WDR70: variants seen among roughly 807,000 people sequenced by gnomAD.
WDR70 encodes WD repeat-containing protein 70.
Under a neutral mutation model 88.6 loss-of-function variants are expected in WDR70, and 53 were observed. The observed-to-expected ratio is 0.60, with a 90% CI of 0.48 to 0.75. The LOEUF (loss-of-function observed/expected upper bound fraction) is 0.75, where lower values mean the gene tolerates loss of function less well. WDR70 is among the 30% of genes least tolerant of loss of function. The probability of loss-of-function intolerance (pLI) is 0.00; values close to 1 mark genes in which losing one functional copy is unlikely to be tolerated. For synonymous variants in WDR70, 280 were observed against 270.0 expected, an observed-to-expected ratio of 1.04 and a Z score of -0.36; for missense variants, 610 against 823.2, an observed-to-expected ratio of 0.74 and a Z score of 3.17.
At chr5:37,481,930 T>C (rs1739681947) in intron 8 of WDR70, among the ~76,000 whole-genome samples, 1 of 152,152 alleles carries the variant, frequency 6.6e-6, no homozygotes, top group Admixed American at 6.5e-5. Flanking sequence ...AAAAAATTCT[T>C]ATTTCACTCT....
chr5:37,638,011 C>T (rs72740974), intron 10 of WDR70, among the ~76,000 whole-genome samples: 7,185 of 152,202 alleles, frequency 0.047, 202 homozygotes, highest in Middle Eastern at 0.12. Context: ...GTCCTCCAGC[C>T]TGGTTCTGAG....
intron 10 of WDR70, 64 bp from the exon 11 acceptor site, chr5:37,697,591 C>T: frequency 3.8e-6 from 5 of 1,321,028 alleles, no homozygotes; most frequent in Non-Finnish European, 5.4e-6. Context: ...AATGTTCTTG[C>T]CACAAAACTG....
At chr5:37,516,672 G>C in intron 9 of WDR70, 82 bp downstream of exon 9, 1 of 726,274 alleles carries the variant, frequency 1.4e-6, no homozygotes. Flanking sequence ...AATCTTGGCA[G>C]TAATGTAGTA....
chr5:37,427,062 G>T (rs1300280110), intron 5 of WDR70, among the ~76,000 whole-genome samples: 1 of 152,120 alleles, frequency 6.6e-6, no homozygotes, highest in Admixed American at 6.5e-5. Context: ...AGGCTACCAC[G>T]CTCAGCTTTA....
intron 17 of WDR70, among the ~76,000 whole-genome samples, chr5:37,747,584 CTGAT>C (rs1748669252): frequency 1.3e-5 from 2 of 152,140 alleles, no homozygotes; most frequent in Non-Finnish European, 2.9e-5. Context: ...CCTTTGAAAA[CTGAT>C]ACAAGACAAG....
chr5:37,546,379 G>C (rs1486699564), intron 9 of WDR70, among the ~76,000 whole-genome samples: 1 of 152,124 alleles, frequency 6.6e-6, no homozygotes, highest in African/African-American at 2.4e-5. Flanking sequence ...AATGTTGGAG[G>C]AAAGTTTGAT....
intron 3 of WDR70, among the ~76,000 whole-genome samples, chr5:37,390,866 G>T (rs953970716): frequency 5.9e-5 from 9 of 151,926 alleles, no homozygotes; most frequent in African/African-American, 2.2e-4. Context: ...AAAGGCATGC[G>T]CTACCACGCC....
intron 6 of WDR70, among the ~76,000 whole-genome samples, chr5:37,440,419 C>T (rs1246412526): frequency 1.3e-5 from 2 of 152,094 alleles, no homozygotes; most frequent in Admixed American, 6.5e-5. Flanking sequence ...CATCTCAGCT[C>T]ACTGCAGCCT....
intron 10 of WDR70, among the ~76,000 whole-genome samples, chr5:37,647,909 G>A (rs1422798125): frequency 1.3e-5 from 2 of 152,058 alleles, no homozygotes; most frequent in Non-Finnish European, 2.9e-5. Flanking sequence ...TGGGGGTGCA[G>A]GAAAAACTAC....
chr5:37,406,911 C>T (rs1749370370), intron 5 of WDR70, among the ~76,000 whole-genome samples: 1 of 152,044 alleles, frequency 6.6e-6, no homozygotes, highest in South Asian at 2.1e-4. Context: ...ATTATCAAGA[C>T]TGCATTATAA....
chr5:37,674,375 C>G (rs969643036), intron 10 of WDR70, among the ~76,000 whole-genome samples: 5 of 151,958 alleles, frequency 3.3e-5, no homozygotes, highest in African/African-American at 1.2e-4. Context: ...TAATGCTATT[C>G]CCCCGCCTTC....
At chr5:37,597,088 C>T (rs1188731061) in intron 9 of WDR70, among the ~76,000 whole-genome samples, 1 of 152,086 alleles carries the variant, frequency 6.6e-6, no homozygotes. Context: ...TTATTTAGTG[C>T]ATTAACAGAA....
In WDR70 at chr5:37,578,707, C is replaced by G. The variant is rs147005796; in HGVS notation, c.918-26357C>G. Among the ~76,000 whole-genome samples the G allele has an allele frequency of 6.6e-5, 10 of 152,296 alleles. 1 individual carries two copies. Among genetic ancestry groups the G allele is most frequent in the Admixed American group, 5.9e-4 (9 of 15,302 alleles). The stretch of plus-strand genomic sequence containing the variant: ...TTTGTAAGGCACAACTAATTAGACT[C>G]TGTTCTCAAAGAGTTCACAGTGTAA... On this transcript the variant is annotated intron_variant, in intron 9 of 17. Transcript: ENST00000265107.
chr5:37,607,598 T>TATTTTA lies in WDR70; in HGVS notation c.1092+2370_1092+2375dup, dbSNP rs1210516914. Among the ~76,000 whole-genome samples the TATTTTA allele has an allele frequency of 1.2e-3, 182 of 152,344 alleles. 3 individuals carry two copies. The highest frequency in any genetic ancestry group is 4.2e-3 in the African/African-American group (176 of 41,580). On this transcript the variant is annotated intron_variant, in intron 10 of 17. Coordinates refer to ENST00000265107, the MANE Select transcript of WDR70 (RefSeq NM_018034.4). ...ATGCTAGCCACTAGCCACATTTGACTATTTTAATTTTAATTAAAATAAAAT... is the reference window on the plus strand; with the variant it reads ...ATGCTAGCCACTAGCCACATTTGACTATTTTAATTTTAATTTTAATTAAAATAAAAT...
chr5:37,629,109 C>G (rs1043794470), intron 10 of WDR70, among the ~76,000 whole-genome samples: 2 of 152,192 alleles, frequency 1.3e-5, no homozygotes, highest in Non-Finnish European at 2.9e-5. Context: ...TCATCCCATT[C>G]TCTCCTGGCC....
intron 9 of WDR70, among the ~76,000 whole-genome samples, chr5:37,548,521 C>T (rs1384702314): frequency 1.3e-5 from 2 of 151,988 alleles, no homozygotes; most frequent in African/African-American, 4.8e-5. Flanking sequence ...TGTTTCAGCT[C>T]CTTATATATT....
chr5:37,427,337 G>A (rs1750159420), intron 5 of WDR70, among the ~76,000 whole-genome samples: 2 of 151,750 alleles, frequency 1.3e-5, no homozygotes, highest in South Asian at 4.2e-4. Flanking sequence ...TGCACTGAGC[G>A]GAGATAGCTC....
intron 10 of WDR70, among the ~76,000 whole-genome samples, chr5:37,622,995 A>G: frequency 6.6e-6 from 1 of 152,280 alleles, no homozygotes; most frequent in Non-Finnish European, 1.5e-5. Context: ...ATCATTAGCC[A>G]GATACTAGCT....
intron 8 of WDR70, among the ~76,000 whole-genome samples, chr5:37,496,235 C>T (rs1355438622): frequency 2.6e-5 from 4 of 152,204 alleles, no homozygotes. Context: ...CTGGCCACCC[C>T]AGCCAGCTGC....
Sources: allele counts gnomAD v4.1 joint callset (sites outside exome capture counted in the v4.1 genomes callset), GRCh38; gene constraint gnomAD v4.1.1; transcripts MANE v1.5; gene names NCBI Gene and HGNC (gene_info 2026-07-23, HGNC 2026-07-21).